The following RBFOX1 variants were observed in gnomAD, a reference collection of about 807,000 sequenced individuals.
RBFOX1 encodes RNA binding fox-1 homolog 1.
Under a neutral mutation model 57.7 loss-of-function variants are expected in RBFOX1, and 8 were observed. That is an observed-to-expected ratio of 0.14 (90% confidence interval 0.08 to 0.25). The LOEUF (loss-of-function observed/expected upper bound fraction) is 0.25. RBFOX1 is among the 10% of genes least tolerant of loss of function. The pLI, the probability that RBFOX1 is intolerant of heterozygous loss-of-function variation, is 1.00. For synonymous variants in RBFOX1, 326 were observed against 222.4 expected, an observed-to-expected ratio of 1.47 and a Z score of -4.15; for missense variants, 611 against 548.5, an observed-to-expected ratio of 1.11 and a Z score of -1.14.
At chr16:6,535,805 A>C (rs570250540) in intron 2 of RBFOX1, among the ~76,000 whole-genome samples, 1 of 152,136 alleles carries the variant, frequency 6.6e-6, no homozygotes, top group African/African-American at 2.4e-5. Flanking sequence ...GCCTATTTTT[A>C]TATGTTACAC....
At chr16:6,861,487 T>TC (rs34048714) in intron 3 of RBFOX1, among the ~76,000 whole-genome samples, 54,329 of 133,284 alleles carry the variant, frequency 0.41, 10,992 homozygotes, top group East Asian at 0.54. Context: ...CCCAACCCCC[T>TC]CCCCCCCCGA....
At chr16:5,834,695 A>G (rs568676885) in intron 3 of RBFOX1, among the ~76,000 whole-genome samples, 11 of 117,386 alleles carry the variant, frequency 9.4e-5, no homozygotes, top group African/African-American at 4.9e-4. Context: ...AGGTAGATAG[A>G]TAGATAGATA....
chr16:7,339,670 C>A (rs1242358049), intron 4 of RBFOX1, among the ~76,000 whole-genome samples: 2 of 152,270 alleles, frequency 1.3e-5, no homozygotes, highest in South Asian at 2.1e-4. Context: ...GAACTCCTGA[C>A]CTCAGGTGAT....
chr16:6,390,847 G>A (rs1399462281), intron 2 of RBFOX1, among the ~76,000 whole-genome samples: 4 of 152,086 alleles, frequency 2.6e-5, no homozygotes, highest in Non-Finnish European at 4.4e-5. Context: ...AGAAAGAGCC[G>A]GGCCAGGGTT....
chr16:6,539,500 T>G (rs17140555), intron 2 of RBFOX1, among the ~76,000 whole-genome samples: 4,511 of 152,136 alleles, frequency 0.03, 233 homozygotes, highest in African/African-American at 0.096. Flanking sequence ...TATACTTCTT[T>G]AAAACACACA....
intron 5 of RBFOX1, among the ~76,000 whole-genome samples, chr16:7,541,407 T>A (rs1322087792): frequency 1.3e-5 from 2 of 152,180 alleles, no homozygotes; most frequent in Non-Finnish European, 2.9e-5. Flanking sequence ...GATTGCTCCT[T>A]TCTGCTATGA....
chr16:5,313,938 A>T (rs939323992), intron 1 of RBFOX1, among the ~76,000 whole-genome samples: 9 of 152,136 alleles, frequency 5.9e-5, no homozygotes, highest in African/African-American at 2.2e-4. Context: ...CATGAAATGT[A>T]TGGGATGTTT....
rs148268266 is a variant in RBFOX1, at chr16:7,349,355, C to T, written c.28-168792C>T. 3.3e-3 allele frequency among the ~76,000 whole-genome samples: 506 copies of T among 152,232 alleles called. 2 individuals carry two copies. Among genetic ancestry groups the T allele is most frequent in the Non-Finnish European group, 5.9e-3 (401 of 68,016 alleles). On this transcript the variant is annotated intron_variant, in intron 4 of 15. Coordinates refer to ENST00000550418, the MANE Select transcript of RBFOX1 (RefSeq NM_018723.4). ...CAAGATCGGTTTTCAATTTAAGTGACTTCGCTTTCTCTCTTAAAAACTAAA... is the reference window on the plus strand; with the variant it reads ...CAAGATCGGTTTTCAATTTAAGTGATTTCGCTTTCTCTCTTAAAAACTAAA...
At chr16:5,442,623 A>G (rs1384343206) in intron 1 of RBFOX1, among the ~76,000 whole-genome samples, 3 of 152,168 alleles carry the variant, frequency 2.0e-5, no homozygotes, top group South Asian at 2.1e-4. Flanking sequence ...TTAAAAACCA[A>G]TTGGGCTTGG....
chr16:5,843,757 G>C (rs560703634), intron 3 of RBFOX1, among the ~76,000 whole-genome samples: 5 of 152,224 alleles, frequency 3.3e-5, no homozygotes, highest in Non-Finnish European at 7.3e-5. Flanking sequence ...AGTAAGTACA[G>C]GGATTAAGTT....
chr16:5,391,953 T>TAAA (rs2066423095), intron 1 of RBFOX1, among the ~76,000 whole-genome samples: 1 of 151,080 alleles, frequency 6.6e-6, no homozygotes, highest in South Asian at 2.1e-4. Flanking sequence ...TACTCAGCCA[T>TAAA]AAAAAGGAAT....
chr16:5,719,862 C>T (rs942431314), intron 3 of RBFOX1, among the ~76,000 whole-genome samples: 3 of 152,154 alleles, frequency 2.0e-5, no homozygotes, highest in African/African-American at 7.2e-5. Context: ...CTGCTACGAA[C>T]ATTTGTGAAC....
chr16:5,289,407 A>G (rs1379990046), intron 1 of RBFOX1: 3 of 336,104 alleles, frequency 8.9e-6, no homozygotes, highest in Non-Finnish European at 1.7e-5. Flanking sequence ...TGCTGCCATC[A>G]TACCGAGATG....
intron 2 of RBFOX1, among the ~76,000 whole-genome samples, chr16:6,506,752 T>G (rs1315578457): frequency 6.7e-6 from 1 of 148,308 alleles, no homozygotes; most frequent in African/African-American, 2.5e-5. Context: ...GTTCAGGTGA[T>G]TCTCAGGCCT....
At chr16:6,260,723 A>G (rs1415505806) in intron 1 of RBFOX1, among the ~76,000 whole-genome samples, 1 of 152,078 alleles carries the variant, frequency 6.6e-6, no homozygotes, top group East Asian at 1.9e-4. Context: ...ACTACTGATA[A>G]TACAAAAATG....
chr16:7,460,256 C>A (rs1379582078), intron 4 of RBFOX1, among the ~76,000 whole-genome samples: 2 of 151,228 alleles, frequency 1.3e-5, no homozygotes, highest in Non-Finnish European at 2.9e-5. Flanking sequence ...CAAAAAATAT[C>A]CCTGTTTAAT....
At chr16:6,041,689 A>T (rs2095438052) in intron 1 of RBFOX1, among the ~76,000 whole-genome samples, 2 of 152,144 alleles carry the variant, frequency 1.3e-5, no homozygotes, top group Admixed American at 6.5e-5. Context: ...TGTAAGGGGA[A>T]GTCTTAGTCT....
At chr16:5,984,976 A>ATATATATATATAT (rs1359064334) in intron 4 of RBFOX1, among the ~76,000 whole-genome samples, 2 of 55,714 alleles carry the variant, frequency 3.6e-5, no homozygotes, top group East Asian at 6.1e-4. Context: ...ATATATATAT[A>ATATATATATATAT]TTTTTTTTTT....
intron 3 of RBFOX1, among the ~76,000 whole-genome samples, chr16:7,023,564 T>TACAAAAAAAAAAAAAAAA (rs2039953700): frequency 2.3e-5 from 1 of 43,916 alleles, no homozygotes; most frequent in African/African-American, 8.9e-5. Flanking sequence ...TCGTCTGTAC[T>TACAAAAAAAAAAAAAAAA]AAAAAAAAAA....
Sources: gnomAD v4.1 joint callset for allele counts (sites outside exome capture counted in the v4.1 genomes callset) on GRCh38, gnomAD v4.1.1 for gene constraint, MANE v1.5 for transcripts, NCBI Gene and HGNC (gene_info 2026-07-23, HGNC 2026-07-21) for gene names.